The following SNTG2 variants were observed in gnomAD, a reference collection of about 807,000 sequenced individuals.
SNTG2 encodes the protein gamma-2-syntrophin.
In SNTG2, 74 loss-of-function variants were observed where a neutral mutation model predicts 70.9. The observed-to-expected ratio is 1.04, with a 90% CI of 0.86 to 1.27. The LOEUF (loss-of-function observed/expected upper bound fraction) is 1.27. SNTG2 is among the 50% of genes most tolerant of loss of function. SNTG2 has a pLI of 0.00. For synonymous variants in SNTG2, 278 were observed against 273.8 expected (o/e 1.02, Z -0.15); for missense variants, 717 against 690.7 (o/e 1.04, Z -0.43).
intron 9 of SNTG2, among the ~76,000 whole-genome samples, chr2:1,224,954 G>T (rs1675672435): frequency 6.6e-6 from 1 of 152,092 alleles, no homozygotes; most frequent in Non-Finnish European, 1.5e-5. Flanking sequence ...TAGGAAAAAT[G>T]CAGTGTTAGG....
At chr2:1,234,589 TC>T (rs1558574813) in intron 9 of SNTG2, among the ~76,000 whole-genome samples, 2 of 152,216 alleles carry the variant, frequency 1.3e-5, no homozygotes, top group Non-Finnish European at 2.9e-5. Context: ...CCAGCCTGCC[TC>T]ATGAAGCTAT....
chr2:1,083,696 A>G (rs2148172370), intron 2 of SNTG2, 41 bp downstream of exon 2: 1 of 1,610,582 alleles, frequency 6.2e-7, no homozygotes, highest in Non-Finnish European at 8.5e-7. Context: ...AGTGTTTCGG[A>G]CGAGCCCCAT....
intron 11 of SNTG2, among the ~76,000 whole-genome samples, chr2:1,241,924 A>T (rs963183937): frequency 5.9e-5 from 9 of 152,172 alleles, no homozygotes; most frequent in African/African-American, 2.2e-4. Flanking sequence ...TGGTGTTGTA[A>T]TTTTAACAAA....
At chr2:1,151,346 G>A (rs1669485175) in intron 6 of SNTG2, among the ~76,000 whole-genome samples, 2 of 25,204 alleles carry the variant, frequency 7.9e-5, no homozygotes, top group Non-Finnish European at 2.2e-4. Context: ...ACAGCAGAGG[G>A]CTTTGTCGTT....
intron 1 of SNTG2, among the ~76,000 whole-genome samples, chr2:995,630 A>C (rs967646341): frequency 6.6e-6 from 1 of 152,124 alleles, no homozygotes; most frequent in East Asian, 1.9e-4. Context: ...ATTTGTATTC[A>C]TTATTATTTA....
rs191254032 is a variant in SNTG2 at position 1,288,795 on chromosome 2, T to C, written c.1285-19699T>C. ...ACACTCATGCACATTCATGCAGGCA[T>C]GTATTCACACATGCTCATGCCACAC... On this transcript the variant is annotated intron_variant, in intron 14 of 16. Coordinates refer to ENST00000308624, the MANE Select transcript of SNTG2 (RefSeq NM_018968.4). 1.8e-4 allele frequency among the ~76,000 whole-genome samples: 27 copies of C among 152,214 alleles called. 1 individual carries two copies. Among genetic ancestry groups the C allele is most frequent in the Admixed American group, 1.6e-3 (25 of 15,300 alleles).
intron 8 of SNTG2, among the ~76,000 whole-genome samples, chr2:1,193,288 G>C (rs978718094): frequency 6.6e-6 from 1 of 152,180 alleles, no homozygotes; most frequent in Non-Finnish European, 1.5e-5. Context: ...CAGGTGGCAG[G>C]TGGACAACTG....
intron 9 of SNTG2, among the ~76,000 whole-genome samples, chr2:1,234,696 G>A (rs1406788796): frequency 1.1e-4 from 16 of 152,176 alleles, no homozygotes; most frequent in East Asian, 1.9e-4. Context: ...GGGGCTCCAC[G>A]TGCATTCACT....
intron 1 of SNTG2, among the ~76,000 whole-genome samples, chr2:1,002,837 A>G (rs4464316): frequency 0.46 from 69,069 of 151,326 alleles, 16,291 homozygotes; most frequent in Middle Eastern, 0.6. Flanking sequence ...GCAAATATCT[A>G]GAATCAATGT....
At chr2:1,336,904 T>G (rs1046892641) in intron 16 of SNTG2, among the ~76,000 whole-genome samples, 2 of 152,176 alleles carry the variant, frequency 1.3e-5, no homozygotes, top group Non-Finnish European at 2.9e-5. Context: ...CCCCTAGCTT[T>G]GTTCTATTTA....
At chr2:1,114,427 T>G (rs1454910712) in intron 4 of SNTG2, among the ~76,000 whole-genome samples, 2 of 152,024 alleles carry the variant, frequency 1.3e-5, no homozygotes, top group Non-Finnish European at 2.9e-5. Flanking sequence ...TAAGTGAGGT[T>G]TAACCCTTAC....
Position 1,154,931 on chromosome 2 carries a change from TACAC to T in SNTG2, c.412-10614_412-10611del, listed in dbSNP as rs377617946. Among the ~76,000 whole-genome samples the T allele has an allele frequency of 1.9e-4, 23 of 122,386 alleles. 1 individual carries two copies. The highest frequency in any genetic ancestry group is 7.3e-4 in the African/African-American group (22 of 30,300). 80.3% of individuals were successfully genotyped at this position (122,386 alleles called of 152,430 possible). On this transcript the variant is annotated intron_variant, in intron 6 of 16. Transcript: ENST00000308624. ...CATACACACACACAACACAAAAACATACACACCACACACATAAACTCACACCACA... is the reference window on the plus strand; with the variant it reads ...CATACACACACACAACACAAAAACATACCACACACATAAACTCACACCACA...
At chr2:968,747 T>C (rs1280204493) in intron 1 of SNTG2, among the ~76,000 whole-genome samples, 1 of 152,204 alleles carries the variant, frequency 6.6e-6, no homozygotes, top group South Asian at 2.1e-4. Context: ...CTGTTGAAGT[T>C]ACTTATGGAT....
chr2:1,231,164 G>A (rs191195149), intron 9 of SNTG2, among the ~76,000 whole-genome samples: 1,519 of 151,680 alleles, frequency 0.01, 5 homozygotes, highest in Non-Finnish European at 0.017. Context: ...TTAGGATAAT[G>A]ACAGTGCCTC....
At chr2:1,310,435 A>C (rs1572960708) in intron 15 of SNTG2, among the ~76,000 whole-genome samples, 1 of 152,200 alleles carries the variant, frequency 6.6e-6, no homozygotes, top group Non-Finnish European at 1.5e-5. Flanking sequence ...GGGTCTCAGC[A>C]CAGGAAGATC....
intron 9 of SNTG2, among the ~76,000 whole-genome samples, chr2:1,230,093 C>T (rs1188782278): frequency 1.3e-5 from 2 of 152,230 alleles, no homozygotes; most frequent in Admixed American, 1.3e-4. Context: ...AAGGTGGGAG[C>T]CCAGGCAGAG....
intron 12 of SNTG2, among the ~76,000 whole-genome samples, chr2:1,254,471 A>G (rs1014816300): frequency 6.6e-6 from 1 of 152,254 alleles, no homozygotes; most frequent in African/African-American, 2.4e-5. Flanking sequence ...TATGGCATTA[A>G]TATATCAATG....
chr2:1,223,695 C>T (rs989237508), intron 9 of SNTG2, among the ~76,000 whole-genome samples: 6 of 152,230 alleles, frequency 3.9e-5, no homozygotes, highest in Non-Finnish European at 7.3e-5. Flanking sequence ...AGGAGCCAGG[C>T]GTGTCTGGTG....
At chr2:1,033,139 G>A (rs576757164) in intron 1 of SNTG2, among the ~76,000 whole-genome samples, 10 of 152,108 alleles carry the variant, frequency 6.6e-5, no homozygotes, top group Non-Finnish European at 1.3e-4. Context: ...AGTTGCCTCC[G>A]CCAGGTTCCA....
Sources: allele counts gnomAD v4.1 joint callset (sites outside exome capture counted in the v4.1 genomes callset), GRCh38; gene constraint gnomAD v4.1.1; transcripts MANE v1.5; gene names NCBI Gene and HGNC (gene_info 2026-07-23, HGNC 2026-07-21).